Variants in DOCK8 observed in about 807,000 individuals in gnomAD.
The protein encoded by DOCK8 is dedicator of cytokinesis 8.
A neutral mutation model predicts 245.6 loss-of-function variants in DOCK8; 141 were observed. The observed-to-expected ratio is 0.57, with a 90% CI of 0.50 to 0.66. DOCK8 has a LOEUF of 0.66. DOCK8 is among the 30% of genes least tolerant of loss of function. The pLI is 0.00. For synonymous variants in DOCK8, 1,168 were observed against 970.2 expected, an observed-to-expected ratio of 1.20 and a Z score of -3.79; for missense variants, 2,965 against 2,603.4, an observed-to-expected ratio of 1.14 and a Z score of -3.02.
At chr9:292,988 G>C (rs764535235) in intron 4 of DOCK8, among the ~76,000 whole-genome samples, 16 of 152,006 alleles carry the variant, frequency 1.1e-4, no homozygotes, top group Non-Finnish European at 1.5e-4. Context: ...GCAAGTTTTT[G>C]CATCTTGTTC....
At chr9:400,845 C>T (rs1270231756) in intron 26 of DOCK8, among the ~76,000 whole-genome samples, 8 of 97,836 alleles carry the variant, frequency 8.2e-5, no homozygotes, top group East Asian at 3.1e-4. Flanking sequence ...ACCACCACCT[C>T]CACCATCACC....
chr9:384,894 C>A (rs966177586), intron 22 of DOCK8, among the ~76,000 whole-genome samples: 4 of 152,234 alleles, frequency 2.6e-5, no homozygotes, highest in African/African-American at 9.6e-5. Context: ...CCAGCCTGGG[C>A]AGCAGAGCGA....
chr9:335,776 G>A (rs781423282), intron 11 of DOCK8, among the ~76,000 whole-genome samples: 1 of 152,258 alleles, frequency 6.6e-6, no homozygotes, highest in Non-Finnish European at 1.5e-5. Context: ...AAGATGTCAT[G>A]TATTATACTG....
At chr9:283,081 T>C (rs1224871382) in intron 2 of DOCK8, among the ~76,000 whole-genome samples, 1 of 152,194 alleles carries the variant, frequency 6.6e-6, no homozygotes, top group Non-Finnish European at 1.5e-5. Flanking sequence ...TTTCAAAATA[T>C]ACAGATTTCT....
chr9:271,997 A>C (rs1189317010), intron 2 of DOCK8, among the ~76,000 whole-genome samples: 7 of 152,108 alleles, frequency 4.6e-5, no homozygotes, highest in Non-Finnish European at 1.0e-4. Flanking sequence ...GTCTCATCCA[A>C]ATTATGGTTC....
At chr9:279,105 A>T (rs1224729670) in intron 2 of DOCK8, among the ~76,000 whole-genome samples, 1 of 152,208 alleles carries the variant, frequency 6.6e-6, no homozygotes, top group Non-Finnish European at 1.5e-5. Flanking sequence ...GATGGGTGAT[A>T]TGTAGAGTGT....
At chr9:251,147 C>T (rs140240824) in intron 1 of DOCK8, among the ~76,000 whole-genome samples, 1 of 152,284 alleles carries the variant, frequency 6.6e-6, no homozygotes, top group East Asian at 1.9e-4. Context: ...GTCTCCTTTG[C>T]CTGCCCCATC....
chr9:398,907 GA>G (rs1206547016), intron 25 of DOCK8, among the ~76,000 whole-genome samples: 1 of 151,842 alleles, frequency 6.6e-6, no homozygotes, highest in Non-Finnish European at 1.5e-5. Context: ...TATGCATGTA[GA>G]AAAAAAAGTG....
At position 403,978 on chromosome 9, in the gene DOCK8, G is replaced by GTA. The variant is rs1252297249; in HGVS notation, c.3235-928_3235-927dup. ...TATATATGTATATATATATATATGT[G>GTA]TATATATATATATGTGTATATATAT... On this transcript the variant is annotated intron_variant, in intron 26 of 47. Transcript: ENST00000432829. 3.2e-3 allele frequency among the ~76,000 whole-genome samples: 210 copies of GTA among 65,208 alleles called. 2 individuals carry two copies. The highest frequency in any genetic ancestry group is 0.026 in the Middle Eastern group (4 of 156). 42.8% of individuals were successfully genotyped at this position (65,208 alleles called of 152,430 possible).
At chr9:274,401 G>A (rs1325437578) in intron 2 of DOCK8, among the ~76,000 whole-genome samples, 1 of 151,012 alleles carries the variant, frequency 6.6e-6, no homozygotes, top group Non-Finnish European at 1.5e-5. Context: ...TTCAACTTCA[G>A]TATATGGCTC....
chr9:444,552 C>G (rs2057194185), intron 43 of DOCK8, among the ~76,000 whole-genome samples: 1 of 152,076 alleles, frequency 6.6e-6, no homozygotes, highest in South Asian at 2.1e-4. Context: ...GTCTCAGTGT[C>G]CAGAGATTTT....
At chr9:380,012 A>G (rs1669134887) in intron 21 of DOCK8, 77 bp downstream of exon 21, 2 of 1,516,798 alleles carry the variant, frequency 1.3e-6, no homozygotes, top group Admixed American at 1.9e-5. Context: ...AATCCAAAAT[A>G]AAACATCCTA....
chr9:283,696 C>T (rs1289098135), intron 2 of DOCK8, among the ~76,000 whole-genome samples: 1 of 152,162 alleles, frequency 6.6e-6, no homozygotes, highest in Non-Finnish European at 1.5e-5. Context: ...CCTCCAGTTC[C>T]ATCCACGTTG....
intron 14 of DOCK8, among the ~76,000 whole-genome samples, chr9:367,450 G>C (rs1200543749): frequency 6.6e-6 from 1 of 152,138 alleles, no homozygotes; most frequent in East Asian, 1.9e-4. Flanking sequence ...GCACTGGGTA[G>C]CCTAGTACCT....
intron 1 of DOCK8, among the ~76,000 whole-genome samples, chr9:247,054 A>C (rs991358945): frequency 6.6e-6 from 1 of 152,230 alleles, no homozygotes; most frequent in African/African-American, 2.4e-5. Context: ...TGAGGATCAC[A>C]TGCGAGCTAC....
intron 14 of DOCK8, among the ~76,000 whole-genome samples, chr9:363,050 G>T (rs1226830304): frequency 6.6e-6 from 1 of 152,198 alleles, no homozygotes; most frequent in African/African-American, 2.4e-5. Context: ...TTGAGGATTC[G>T]TTGCTAAATC....
At chr9:214,672 G>A (rs377189483), upstream of DOCK8, 4 of 1,593,248 alleles carry the variant, frequency 2.5e-6, no homozygotes, top group Admixed American at 3.5e-5. Flanking sequence ...GAGGTCGGCG[G>A]CCCCGGGCAG....
Position 382,097 on chromosome 9 carries a change from G to A in DOCK8, c.2606-416G>A, listed in dbSNP as rs2053743488. Among the ~76,000 whole-genome samples, 6 of 152,280 alleles carry A rather than the reference G, an allele frequency of 3.9e-5. No homozygotes were observed. The South Asian group carries it at 1.2e-3, about 32-fold the overall frequency. ...CTCACAAGGTTCAGATGACTCTATGGATTTTTGAATCTGAGAAAACCTCAC... is the reference window on the plus strand; with the variant it reads ...CTCACAAGGTTCAGATGACTCTATGAATTTTTGAATCTGAGAAAACCTCAC... On this transcript the variant is annotated intron_variant, in intron 21 of 47. Transcript: ENST00000432829.
At chr9:364,946 C>G (rs191893128) in intron 14 of DOCK8, among the ~76,000 whole-genome samples, 1 of 152,128 alleles carries the variant, frequency 6.6e-6, no homozygotes, top group East Asian at 1.9e-4. Flanking sequence ...GAGCTCAACC[C>G]CAAAGATGAG....
Sources: allele counts gnomAD v4.1 joint callset (sites outside exome capture counted in the v4.1 genomes callset), GRCh38; gene constraint gnomAD v4.1.1; transcripts MANE v1.5; gene names NCBI Gene and HGNC (gene_info 2026-07-23, HGNC 2026-07-21).